GFM1: variants seen among roughly 807,000 people sequenced by gnomAD.
GFM1 encodes elongation factor G, mitochondrial.
A neutral mutation model predicts 96.2 loss-of-function variants in GFM1; 62 were observed. That is an observed-to-expected ratio of 0.64 (90% CI 0.53 to 0.80). GFM1 has a LOEUF of 0.80. Ranked by LOEUF, GFM1 falls within the 30% of genes least tolerant of loss-of-function variation. The pLI is 0.00. For missense variants in GFM1, 852 were observed against 916.6 expected, an observed-to-expected ratio of 0.93 and a Z score of 0.91; for synonymous variants, 282 against 312.9, an observed-to-expected ratio of 0.90 and a Z score of 1.04.
rs563560200 is a variant in GFM1, at chr3:158,648,540, T to C, written c.573-501T>C. On this transcript the variant is annotated intron_variant, in intron 4 of 17. Transcript: ENST00000486715. ...AAAAATACAAAAAATTAGCCAGGCG[T>C]GGTGGCGGGCACCTGTAGTCCCAGC... is the stretch of plus-strand genomic sequence containing the variant. Among the ~76,000 whole-genome samples, 12 of 152,124 alleles carry C rather than the reference T, an allele frequency of 7.9e-5. No homozygotes were observed. In the East Asian group the frequency reaches 2.1e-3, roughly 27 times the overall value.
At chr3:158,649,916 T>C (rs112123608) in intron 5 of GFM1, 93 of 1,116,462 alleles carry the variant, frequency 8.3e-5, no homozygotes, top group Admixed American at 2.0e-5. Context: ...GACCACACTT[T>C]GAGTGACACT....
At chr3:158,655,917 A>G (rs1722712380) in intron 8 of GFM1, 3 of 457,112 alleles carry the variant, frequency 6.6e-6, no homozygotes, top group Non-Finnish European at 1.3e-5. Context: ...CTAGGCTGTA[A>G]TAGTTTCTTA....
At position 158,691,151 on chromosome 3, in the gene GFM1, G is replaced by GAT; in HGVS notation, c.2086_2087dup (p.Met696IlefsTer69). ...TGTTTGTTTTCAGGTCCCTCTAAAT[G>GAT]ATATGTTTGGTTATTCCACTGAACT... On this transcript the variant is annotated frameshift_variant, in exon 17 of 18. Coordinates refer to ENST00000486715, the MANE Select transcript of GFM1 (RefSeq NM_024996.7). LOFTEE classifies it high-confidence loss of function. 2 of 1,611,468 alleles carry GAT rather than the reference G, an allele frequency of 1.2e-6. No homozygotes were observed. Among genetic ancestry groups the GAT allele is most frequent in the Non-Finnish European group, 1.7e-6 (2 of 1,177,696 alleles).
chr3:158,654,176 A>G (rs146388114), intron 7 of GFM1, among the ~76,000 whole-genome samples: 49 of 136,032 alleles, frequency 3.6e-4, no homozygotes, highest in African/African-American at 1.2e-3. Context: ...TCCTATCACT[A>G]TGTAGTAACT....
intron 11 of GFM1, 39 bp from the exon 12 acceptor site, chr3:158,665,298 C>CTTA (rs1560135321): frequency 6.6e-7 from 1 of 1,521,354 alleles, no homozygotes; most frequent in Non-Finnish European, 9.1e-7. Context: ...GCTTATCATG[C>CTTA]TCAGTAAAAC....
chr3:158,675,285 CAAAAAAAAA>C (rs1172885215), intron 13 of GFM1, among the ~76,000 whole-genome samples: 4 of 52,666 alleles, frequency 7.6e-5, no homozygotes, highest in East Asian at 1.8e-3. Context: ...GACTCCATCT[CAAAAAAAAA>C]AAAAAAAAAA....
At chr3:158,683,540 T>G (rs1210982353) in intron 14 of GFM1, among the ~76,000 whole-genome samples, 1 of 152,250 alleles carries the variant, frequency 6.6e-6, no homozygotes, top group African/African-American at 2.4e-5. Context: ...TTAATTCTAG[T>G]TCTTACTGAC....
At chr3:158,667,093 A>G (rs1409465210) in intron 13 of GFM1, 2 of 1,569,508 alleles carry the variant, frequency 1.3e-6, no homozygotes, top group Non-Finnish European at 8.6e-7. Context: ...AAAAATAAAA[A>G]CGTGTTGTTT....
chr3:158,680,474 C>T (rs1280779259), intron 13 of GFM1, among the ~76,000 whole-genome samples: 1 of 152,200 alleles, frequency 6.6e-6, no homozygotes, highest in Non-Finnish European at 1.5e-5. Context: ...CAAAATCTGT[C>T]TTCTTGTAGC....
chr3:158,658,895 C>T, intron 8 of GFM1, 27 bp from the exon 9 acceptor site: 1 of 1,613,226 alleles, frequency 6.2e-7, no homozygotes, highest in Non-Finnish European at 8.5e-7. Flanking sequence ...TTTATTCTTC[C>T]TGCCCTTACC....
intron 15 of GFM1, chr3:158,684,877 T>C (rs924828143): frequency 3.2e-5 from 17 of 538,250 alleles, no homozygotes; most frequent in Non-Finnish European, 5.3e-5. Flanking sequence ...TGTATTCTCC[T>C]ACATTCTCTG....
At chr3:158,646,983 G>C in intron 4 of GFM1, 36 bp downstream of exon 4, 3 of 1,487,372 alleles carry the variant, frequency 2.0e-6, no homozygotes, top group Non-Finnish European at 2.8e-6. Context: ...AGGATGTGAT[G>C]ATCTAGACAG....
intron 15 of GFM1, among the ~76,000 whole-genome samples, chr3:158,686,241 TATATA>T (rs1206532989): frequency 2.5e-4 from 37 of 147,978 alleles, no homozygotes; most frequent in Admixed American, 3.4e-4. Context: ...ATATGTGTAT[TATATA>T]ATATATGATA....
Position 158,664,814 on chromosome 3 carries a change from A to T in GFM1, c.1381-523A>T, listed in dbSNP as rs564276884. ...TTGGAGGGCCATTAATCTGCTTACC[A>T]CGCGGGATTACATGGCATCTAAGGA... is the stretch of plus-strand genomic sequence containing the variant. On this transcript the variant is annotated intron_variant, in intron 11 of 17. Coordinates refer to ENST00000486715, the MANE Select transcript of GFM1 (RefSeq NM_024996.7). Among the ~76,000 whole-genome samples, 3 of 152,266 alleles carry T rather than the reference A, an allele frequency of 2.0e-5. No individual in the cohort carries two copies. In the South Asian group the frequency reaches 6.2e-4, roughly 32 times the overall value.
rs1241977815 is a variant in GFM1 at position 158,669,111 on chromosome 3, G to A, written c.1601+2725G>A. The A allele has an allele frequency of 1.9e-6, 3 of 1,613,186 alleles. No individual in the cohort carries two copies. In the African/African-American group the frequency reaches 4.0e-5, roughly 22 times the overall value. On this transcript the variant is annotated intron_variant, in intron 13 of 17. Transcript: ENST00000486715. Reference sequence around the variant, plus strand: ...TAAATGTAGAACGAGCGTCATTTCTGGAGATACATTTCCAAAATTGTCTGG... The same window carrying A: ...TAAATGTAGAACGAGCGTCATTTCTAGAGATACATTTCCAAAATTGTCTGG...
chr3:158,691,668 A>C lies in GFM1; in HGVS notation c.*201A>C, dbSNP rs1726333424. The C allele has an allele frequency of 3.1e-5, 16 of 515,352 alleles. No homozygotes were observed. Among genetic ancestry groups the C allele is most frequent in the Non-Finnish European group, 4.2e-5 (12 of 287,768 alleles). 31.9% of individuals were successfully genotyped at this position (515,352 alleles called of 1,614,324 possible). ...TCAAAGGTAATTCTATGTCTATCTC[A>C]ACTCTATTGATTGGTTTTATAGTTC... On this transcript the variant is annotated 3_prime_UTR_variant, in exon 18 of 18. Coordinates refer to ENST00000486715, the MANE Select transcript of GFM1 (RefSeq NM_024996.7).
At chr3:158,672,853 A>T (rs1314793882) in intron 13 of GFM1, among the ~76,000 whole-genome samples, 1 of 151,942 alleles carries the variant, frequency 6.6e-6, no homozygotes, top group Non-Finnish European at 1.5e-5. Context: ...CGTTTCATTA[A>T]CCTTTATAGA....
Position 158,693,279 on chromosome 3 carries a change from A to G in GFM1, c.*1812A>G, listed in dbSNP as rs1726431505. Reference sequence around the variant, plus strand: ...ACAATAACTTTGAATATTGTTCCTAATGAGGAAATACATTCTGTGTACCTT... The same window carrying G: ...ACAATAACTTTGAATATTGTTCCTAGTGAGGAAATACATTCTGTGTACCTT... On this transcript the variant is annotated 3_prime_UTR_variant, in exon 18 of 18. Coordinates refer to ENST00000486715, the MANE Select transcript of GFM1 (RefSeq NM_024996.7). 6.6e-6 allele frequency: 1 copy of G among 152,198 alleles called. No homozygotes were observed. Among genetic ancestry groups the G allele is most frequent in the Non-Finnish European group, 1.5e-5 (1 of 68,032 alleles). The allele number at this position is 152,198 out of a possible 1,614,324, so 9.4% of individuals were successfully genotyped here.
At chr3:158,690,731 G>A in intron 16 of GFM1, 1 of 326,178 alleles carries the variant, frequency 3.1e-6, no homozygotes, top group Non-Finnish European at 5.7e-6. Context: ...AAGGGAGAAG[G>A]TGTTTATTAC....
Sources: allele counts gnomAD v4.1 joint callset (sites outside exome capture counted in the v4.1 genomes callset), GRCh38; gene constraint gnomAD v4.1.1; transcripts MANE v1.5; gene names NCBI Gene and HGNC (gene_info 2026-07-23, HGNC 2026-07-21).